DGKB: variants seen among roughly 807,000 people sequenced by gnomAD.
DGKB encodes diacylglycerol kinase beta, also known as 90 kDa diacylglycerol kinase.
DGKB carries 67 observed loss-of-function variants against 114.3 expected under a neutral mutation model. The ratio of observed to expected loss-of-function variants is 0.59; its 90% CI spans 0.48 to 0.72. DGKB has a LOEUF of 0.72. DGKB is among the 30% of genes least tolerant of loss of function. DGKB has a pLI of 0.00. For synonymous variants in DGKB, 398 were observed against 323.1 expected (o/e 1.23, Z -2.49); for missense variants, 907 against 975.2 (o/e 0.93, Z 0.93).
chr7:14,247,318 G>T (rs1794629696), intron 23 of DGKB, among the ~76,000 whole-genome samples: 1 of 152,124 alleles, frequency 6.6e-6, no homozygotes, highest in Non-Finnish European at 1.5e-5. Flanking sequence ...ATGAACATGA[G>T]AGTACAGATA....
intron 1 of DGKB, among the ~76,000 whole-genome samples, chr7:14,912,779 C>G (rs1050583646): frequency 3.3e-5 from 5 of 152,066 alleles, no homozygotes; most frequent in Admixed American, 3.3e-4. Context: ...CTCCATTTCT[C>G]TTGTAGGGTG....
At position 14,653,106 on chromosome 7, in the gene DGKB, A is replaced by G. The variant is rs527253008; in HGVS notation, c.1134+19823T>C. Among the ~76,000 whole-genome samples the G allele has an allele frequency of 3.3e-5, 5 of 150,858 alleles. No individual in the cohort carries two copies. The South Asian group carries it at 1.1e-3, about 32-fold the overall frequency. On this transcript the variant is annotated intron_variant, in intron 13 of 25. Transcript: ENST00000402815. The stretch of plus-strand genomic sequence containing the variant: ...GTGGAAGTCAGTGTGGCGATTCCTC[A>G]GGGATCTAGAACTGGAAATACCATT...
intron 1 of DGKB, among the ~76,000 whole-genome samples, chr7:14,925,696 T>A (rs1243834217): frequency 6.6e-6 from 1 of 152,186 alleles, no homozygotes; most frequent in Non-Finnish European, 1.5e-5. Flanking sequence ...AGTTGTCATA[T>A]GTTCATAATT....
intron 2 of DGKB, among the ~76,000 whole-genome samples, chr7:14,832,441 T>C (rs1258933972): frequency 6.6e-6 from 1 of 152,052 alleles, no homozygotes; most frequent in Non-Finnish European, 1.5e-5. Context: ...TTTGTTTTCA[T>C]GGTGAAATTA....
At chr7:14,243,286 T>A (rs1339297107) in intron 23 of DGKB, among the ~76,000 whole-genome samples, 6 of 152,152 alleles carry the variant, frequency 3.9e-5, no homozygotes, top group African/African-American at 1.4e-4. Context: ...AATTGTGCAG[T>A]GGTGACTCTG....
chr7:14,786,935 G>A (rs1376290821), intron 2 of DGKB, among the ~76,000 whole-genome samples: 1 of 152,224 alleles, frequency 6.6e-6, no homozygotes, highest in African/African-American at 2.4e-5. Flanking sequence ...ACCCACTGTG[G>A]ATCTCCTCTC....
At chr7:14,523,929 T>A (rs1338897232) in intron 20 of DGKB, among the ~76,000 whole-genome samples, 1 of 152,162 alleles carries the variant, frequency 6.6e-6, no homozygotes, top group Non-Finnish European at 1.5e-5. Context: ...CTGCAATGAC[T>A]AAATGGTTAT....
intron 20 of DGKB, among the ~76,000 whole-genome samples, chr7:14,492,677 C>A (rs1784760218): frequency 6.6e-6 from 1 of 151,994 alleles, no homozygotes; most frequent in Non-Finnish European, 1.5e-5. Context: ...ATTTCTAGGT[C>A]TGACCTTTAT....
At chr7:14,644,998 TCCAGATA>T (rs1473699009) in intron 13 of DGKB, among the ~76,000 whole-genome samples, 3 of 152,136 alleles carry the variant, frequency 2.0e-5, no homozygotes, top group Non-Finnish European at 4.4e-5. Context: ...AGCTGCCAGT[TCCAGATA>T]GACTCCACAA....
chr7:14,279,023 C>T (rs889383396), intron 23 of DGKB, among the ~76,000 whole-genome samples: 91 of 152,212 alleles, frequency 6.0e-4, no homozygotes, highest in Non-Finnish European at 1.0e-3. Context: ...AGTGGGTGCA[C>T]GCACCGTGAG....
chr7:14,566,567 C>T lies in DGKB; in HGVS notation c.1770+7645G>A, dbSNP rs112764890. ...AGAAGAATTTCTGCTGCAAATGGAT[C>T]GGGTTACCTCATTCCCTAATGATAA... On this transcript the variant is annotated intron_variant, in intron 20 of 25. Coordinates refer to ENST00000402815, the MANE Select transcript of DGKB (RefSeq NM_001350709.2). Among the ~76,000 whole-genome samples, 1,127 of 152,240 alleles carry T rather than the reference C, an allele frequency of 7.4e-3. 21 individuals carry two copies. The highest frequency in any genetic ancestry group is 0.026 in the African/African-American group (1,084 of 41,542).
intron 16 of DGKB, among the ~76,000 whole-genome samples, chr7:14,611,020 C>T (rs924073095): frequency 6.6e-6 from 1 of 152,030 alleles, no homozygotes; most frequent in African/African-American, 2.4e-5. Flanking sequence ...CCTCTTTTTC[C>T]TTACATTGTC....
intron 12 of DGKB, among the ~76,000 whole-genome samples, chr7:14,679,751 G>A (rs1820511546): frequency 6.6e-6 from 1 of 152,006 alleles, no homozygotes; most frequent in African/African-American, 2.4e-5. Context: ...AGCAGTAGTA[G>A]TAGATACTCA....
At chr7:14,865,380 A>G (rs1291773883) in intron 1 of DGKB, among the ~76,000 whole-genome samples, 3 of 152,158 alleles carry the variant, frequency 2.0e-5, no homozygotes, top group Non-Finnish European at 4.4e-5. Flanking sequence ...CCCTGCCTGC[A>G]TGTGGATAGT....
At chr7:14,929,366 C>G (rs573093436) in intron 1 of DGKB, among the ~76,000 whole-genome samples, 9 of 152,120 alleles carry the variant, frequency 5.9e-5, no homozygotes, top group African/African-American at 2.2e-4. Flanking sequence ...ATAAATGTTC[C>G]ATTATCTCCG....
intron 21 of DGKB, among the ~76,000 whole-genome samples, chr7:14,371,124 G>T (rs564084232): frequency 6.6e-6 from 1 of 152,220 alleles, no homozygotes; most frequent in East Asian, 1.9e-4. Flanking sequence ...GTGCTACAAC[G>T]AACATATGAG....
intron 2 of DGKB, among the ~76,000 whole-genome samples, chr7:14,828,528 C>T (rs1448262782): frequency 6.6e-6 from 1 of 152,034 alleles, no homozygotes; most frequent in African/African-American, 2.4e-5. Context: ...GAATTCCCCT[C>T]AAAACGACAC....
Position 14,227,610 on chromosome 7 carries a change from G to A in DGKB, c.2123-49459C>T, listed in dbSNP as rs542189248. 1.4e-3 allele frequency among the ~76,000 whole-genome samples: 206 copies of A among 151,982 alleles called. 1 individual carries two copies. The highest frequency in any genetic ancestry group is 2.9e-4 in the Non-Finnish European group (20 of 67,956). Reference sequence around the variant, plus strand: ...AGAAAATAGAAGAAGGAAGGAGGGAGGCAGAAAGGAGAAGGAGGCAGCAAT... The same window carrying A: ...AGAAAATAGAAGAAGGAAGGAGGGAAGCAGAAAGGAGAAGGAGGCAGCAAT... On this transcript the variant is annotated intron_variant, in intron 23 of 25. Transcript: ENST00000402815.
chr7:14,420,966 C>T (rs2128763843), intron 21 of DGKB, among the ~76,000 whole-genome samples: 1 of 152,178 alleles, frequency 6.6e-6, no homozygotes. Context: ...CCTTCCACTG[C>T]GTCACAGATG....
Sources: gnomAD v4.1 joint callset for allele counts (sites outside exome capture counted in the v4.1 genomes callset) on GRCh38, gnomAD v4.1.1 for gene constraint, MANE v1.5 for transcripts, NCBI Gene and HGNC (gene_info 2026-07-23, HGNC 2026-07-21) for gene names.